The following PCDH15 variants were observed in gnomAD, a reference collection of about 807,000 sequenced individuals.
PCDH15 encodes the protein protocadherin-15.
In PCDH15, 129 loss-of-function variants were observed where a neutral mutation model predicts 178.5. That is an observed-to-expected ratio of 0.72 (90% CI 0.63 to 0.84). PCDH15 has a LOEUF of 0.84. Among genes scored for constraint, PCDH15 ranks in the 40% least tolerant of loss-of-function variants. The pLI is 0.00. For synonymous variants in PCDH15, 800 were observed against 732.0 expected, an observed-to-expected ratio of 1.09 and a Z score of -1.50; for missense variants, 2,230 against 2,099.9, an observed-to-expected ratio of 1.06 and a Z score of -1.21.
chr10:54,958,195 C>T (rs559958790), intron 2 of PCDH15, among the ~76,000 whole-genome samples: 24 of 151,822 alleles, frequency 1.6e-4, no homozygotes, highest in African/African-American at 5.1e-4. Context: ...TCTTTGGTAT[C>T]TTCCATGTAT....
At position 55,442,485 on chromosome 10, in the gene PCDH15, A is replaced by ATATATATATTATATATATATAT. The variant is rs1554869648; in HGVS notation, c.-156+185139_-156+185140insATATATATATATAATATATATA. ...TATATATATATTATATATATATTAT[A>ATATATATATTATATATATATAT]TATATATATATATATGTAAGCTGGG... On this transcript the variant is annotated intron_variant, in intron 2 of 5. Coordinates refer to the PCDH15 transcript ENST00000613346. 2.3e-3 allele frequency among the ~76,000 whole-genome samples: 215 copies of ATATATATATTATATATATATAT among 91,692 alleles called. 1 individual carries two copies. Among genetic ancestry groups the ATATATATATTATATATATATAT allele is most frequent in the East Asian group, 3.9e-3 (7 of 1,816 alleles). The allele number at this position is 91,692 out of a possible 152,430, so 60.2% of individuals were successfully genotyped here.
intron 2 of PCDH15, among the ~76,000 whole-genome samples, chr10:55,136,929 A>G (rs573119611): frequency 3.3e-5 from 5 of 152,294 alleles, no homozygotes. Flanking sequence ...ATACGCAGAA[A>G]AATATCAGCA....
intron 8 of PCDH15, among the ~76,000 whole-genome samples, chr10:54,295,221 A>G (rs367765163): frequency 3.0e-4 from 46 of 152,188 alleles, no homozygotes; most frequent in African/African-American, 1.0e-3. Context: ...AAATGCACCA[A>G]TCAGCACTCT....
intron 2 of PCDH15, among the ~76,000 whole-genome samples, chr10:55,126,917 AAT>A (rs1240977956): frequency 2.2e-5 from 3 of 134,978 alleles, no homozygotes; most frequent in African/African-American, 5.3e-5. Flanking sequence ...AAAAAAAAAA[AAT>A]GTTTTATTTC....
intron 2 of PCDH15, among the ~76,000 whole-genome samples, chr10:54,957,293 G>T: frequency 6.6e-6 from 1 of 151,536 alleles, no homozygotes; most frequent in East Asian, 1.9e-4. Context: ...GAGGTTAGGA[G>T]AATCCTTCTG....
At chr10:55,110,569 A>G (rs1837476172) in intron 2 of PCDH15, among the ~76,000 whole-genome samples, 1 of 151,996 alleles carries the variant, frequency 6.6e-6, no homozygotes, top group Non-Finnish European at 1.5e-5. Flanking sequence ...TAGTCTTCTG[A>G]GAGTTCTAGA....
At chr10:54,610,740 T>TA (rs2092934257) in intron 2 of PCDH15, among the ~76,000 whole-genome samples, 1 of 151,824 alleles carries the variant, frequency 6.6e-6, no homozygotes, top group Non-Finnish European at 1.5e-5. Context: ...AATAGAAGAA[T>TA]AAGAGTAGAT....
chr10:55,241,212 T>A (rs1841534085), intron 1 of PCDH15, among the ~76,000 whole-genome samples: 1 of 152,064 alleles, frequency 6.6e-6, no homozygotes, highest in East Asian at 1.9e-4. Context: ...CAAGACTCCA[T>A]GTCAAAAACA....
intron 3 of PCDH15, among the ~76,000 whole-genome samples, chr10:54,828,950 C>T (rs979883069): frequency 9.9e-5 from 15 of 151,916 alleles, no homozygotes; most frequent in African/African-American, 3.6e-4. Flanking sequence ...AAGAAAGTCC[C>T]TGTTTGACAC....
At chr10:55,309,962 T>C (rs936847910) in intron 1 of PCDH15, among the ~76,000 whole-genome samples, 3 of 152,162 alleles carry the variant, frequency 2.0e-5, no homozygotes, top group African/African-American at 4.8e-5. Context: ...CTTCCATTTT[T>C]TTCCCTTTCC....
At chr10:54,882,730 A>G (rs1236269743) in intron 3 of PCDH15, among the ~76,000 whole-genome samples, 1 of 152,124 alleles carries the variant, frequency 6.6e-6, no homozygotes, top group Non-Finnish European at 1.5e-5. Flanking sequence ...ATTACTTTAC[A>G]GTCCACAAAA....
intron 1 of PCDH15, among the ~76,000 whole-genome samples, chr10:54,698,200 G>A (rs551922648): frequency 2.0e-5 from 3 of 152,212 alleles, no homozygotes; most frequent in Admixed American, 2.0e-4. Context: ...TTGCTTTGTT[G>A]GCATGGGATA....
chr10:55,417,773 A>G (rs1838519853), intron 2 of PCDH15, among the ~76,000 whole-genome samples: 2 of 151,510 alleles, frequency 1.3e-5, no homozygotes, highest in African/African-American at 2.4e-5. Flanking sequence ...GGAAAAAAAA[A>G]ACAAGTGAGA....
At chr10:53,839,202 C>CAAAAA (rs758823713) in intron 29 of PCDH15, among the ~76,000 whole-genome samples, 37 of 74,488 alleles carry the variant, frequency 5.0e-4, no homozygotes, top group Admixed American at 5.4e-4. Context: ...GTCTCCGTCT[C>CAAAAA]AAAAAAAAAA....
At chr10:54,957,916 T>C (rs1163974988) in intron 2 of PCDH15, among the ~76,000 whole-genome samples, 3 of 151,602 alleles carry the variant, frequency 2.0e-5, no homozygotes, top group Admixed American at 6.6e-5. Flanking sequence ...AAGCAGGACA[T>C]AAATTTACGA....
rs375249926 is a variant in PCDH15 at position 54,372,339 on chromosome 10, C to T, written c.319-3064G>A. On this transcript the variant is annotated intron_variant, in intron 4 of 37. Transcript: ENST00000644397. ...GGCCTCACTTAGTCCTGCTAAGTAC[C>T]CATAAATTAGATCTAACCAGGTCAC... is the stretch of plus-strand genomic sequence containing the variant. Among the ~76,000 whole-genome samples the T allele has an allele frequency of 1.4e-4, 22 of 151,792 alleles. No individual in the cohort carries two copies. In the East Asian group the frequency reaches 2.3e-3, roughly 16 times the overall value.
chr10:54,807,197 T>C (rs1952792772), intron 3 of PCDH15, among the ~76,000 whole-genome samples: 1 of 152,198 alleles, frequency 6.6e-6, no homozygotes, highest in African/African-American at 2.4e-5. Context: ...GAAATAGTAA[T>C]TTAGTAAAGT....
intron 1 of PCDH15, among the ~76,000 whole-genome samples, chr10:55,229,474 C>A (rs565817726): frequency 6.6e-6 from 1 of 151,734 alleles, no homozygotes; most frequent in African/African-American, 2.4e-5. Context: ...ATGTAAATTG[C>A]AAATTTCTCG....
At chr10:53,825,243 C>CTTTAAACAAACACTT in intron 32 of PCDH15, 1 of 1,358,380 alleles carries the variant, frequency 7.4e-7, no homozygotes, top group Non-Finnish European at 9.6e-7. Flanking sequence ...CAGGAACTTG[C>CTTTAAACAAACACTT]TTTAAACAAA....
Sources: allele counts gnomAD v4.1 joint callset (sites outside exome capture counted in the v4.1 genomes callset), GRCh38; gene constraint gnomAD v4.1.1; transcripts MANE v1.5; gene names NCBI Gene and HGNC (gene_info 2026-07-23, HGNC 2026-07-21).